CSMD2: variants seen among roughly 807,000 people sequenced by gnomAD.
The protein encoded by CSMD2 is CUB and Sushi multiple domains 2.
A neutral mutation model predicts 398.5 loss-of-function variants in CSMD2; 130 were observed. The ratio of observed to expected loss-of-function variants is 0.33; its 90% CI spans 0.28 to 0.38. The LOEUF is 0.38. CSMD2 is among the 10% of genes least tolerant of loss of function. CSMD2 has a pLI of 1.00. For missense variants in CSMD2, 3,829 were observed against 4,764.9 expected (o/e 0.80, Z 5.78); for synonymous variants, 1,828 against 1,908.5 (o/e 0.96, Z 1.10).
At chr1:33,646,943 C>A in intron 28 of CSMD2, 108 bp from the exon 29 acceptor site, 1 of 1,099,858 alleles carries the variant, frequency 9.1e-7, no homozygotes, top group Admixed American at 2.4e-5. Context: ...GCAAGCCCAC[C>A]ATCCCACTGG....
At position 33,936,178 on chromosome 1, in the gene CSMD2, A is replaced by G. The variant is rs144721089; in HGVS notation, c.518-224T>C. On this transcript the variant is annotated intron_variant, in intron 3 of 70. Transcript: ENST00000373381. Reference sequence around the variant, plus strand: ...ACAAGGGTTACTCAAAATCTCACACATGAGTTTACAACTGGATGTCCAGGT... The same window carrying G: ...ACAAGGGTTACTCAAAATCTCACACGTGAGTTTACAACTGGATGTCCAGGT... Among the ~76,000 whole-genome samples the G allele has an allele frequency of 1.5e-3, 234 of 152,350 alleles. 1 individual carries two copies. The highest frequency in any genetic ancestry group is 3.4e-3 in the Middle Eastern group (1 of 292).
intron 3 of CSMD2, among the ~76,000 whole-genome samples, chr1:33,968,395 G>A (rs1044448331): frequency 3.9e-5 from 6 of 152,198 alleles, no homozygotes; most frequent in African/African-American, 1.4e-4. Context: ...CCTTTGGTAT[G>A]AGTGAGGCCT....
At chr1:33,918,558 G>A (rs1233001513) in intron 4 of CSMD2, among the ~76,000 whole-genome samples, 1 of 152,202 alleles carries the variant, frequency 6.6e-6, no homozygotes, top group African/African-American at 2.4e-5. Context: ...GGACATTTCA[G>A]GGAAGAAGGA....
intron 14 of CSMD2, 69 bp from the exon 15 acceptor site, chr1:33,739,403 A>G (rs1242300125): frequency 3.5e-6 from 5 of 1,446,318 alleles, no homozygotes; most frequent in Non-Finnish European, 4.7e-6. Context: ...AAAGAAAATT[A>G]GCTTCCTTGG....
intron 58 of CSMD2, 123 bp from the exon 59 acceptor site, chr1:33,541,432 T>C (rs1033115217): frequency 6.7e-6 from 5 of 743,582 alleles, no homozygotes; most frequent in Non-Finnish European, 1.1e-5. Context: ...GGATGCCCTG[T>C]CTCCTCACAG....
At chr1:33,886,967 A>C (rs764135646) in intron 5 of CSMD2, among the ~76,000 whole-genome samples, 9 of 151,004 alleles carry the variant, frequency 6.0e-5, no homozygotes, top group Non-Finnish European at 1.2e-4. Flanking sequence ...GGACACTGAG[A>C]CTCAGAGGTT....
At chr1:34,066,756 T>C (rs74587504) in intron 2 of CSMD2, among the ~76,000 whole-genome samples, 6,944 of 152,136 alleles carry the variant, frequency 0.046, 404 homozygotes, top group African/African-American at 0.13. Flanking sequence ...GGCATCTGAG[T>C]GTCCTGGTCC....
In CSMD2 at chr1:33,815,811, G is replaced by A. The variant is rs190483308; in HGVS notation, c.1324+3902C>T. On this transcript the variant is annotated intron_variant, in intron 9 of 70. Transcript: ENST00000373381. ...TTAGCACATATAGGTAAGGGACTGA[G>A]GGACATTCTCAGGGCTGGAGCAATG... is the stretch of plus-strand genomic sequence containing the variant. Among the ~76,000 whole-genome samples, 488 of 152,322 alleles carry A rather than the reference G, an allele frequency of 3.2e-3. 3 individuals are homozygous for A. The highest frequency in any genetic ancestry group is 0.011 in the African/African-American group (473 of 41,568).
At chr1:33,773,503 T>C (rs1315263227) in intron 12 of CSMD2, among the ~76,000 whole-genome samples, 5 of 152,102 alleles carry the variant, frequency 3.3e-5, no homozygotes, top group Non-Finnish European at 4.4e-5. Context: ...GTGGGCATGA[T>C]GGGCTGGCTA....
chr1:33,782,079 A>G (rs1652843607), intron 12 of CSMD2, among the ~76,000 whole-genome samples: 1 of 152,112 alleles, frequency 6.6e-6, no homozygotes, highest in Admixed American at 6.5e-5. Context: ...GATGATGATG[A>G]TGCAGCCAGA....
At chr1:33,673,504 C>T (rs1428765708) in intron 25 of CSMD2, among the ~76,000 whole-genome samples, 8 of 152,220 alleles carry the variant, frequency 5.3e-5, no homozygotes, top group African/African-American at 9.6e-5. Context: ...CTGAAAGTGA[C>T]GGGGAGAATG....
At chr1:33,766,612 G>A (rs1303753446) in intron 13 of CSMD2, among the ~76,000 whole-genome samples, 1 of 152,202 alleles carries the variant, frequency 6.6e-6, no homozygotes, top group Non-Finnish European at 1.5e-5. Context: ...CTCTGAATTC[G>A]TGGCACTTAA....
chr1:33,575,215 G>A (rs1351795823), intron 49 of CSMD2, among the ~76,000 whole-genome samples: 2 of 152,130 alleles, frequency 1.3e-5, no homozygotes, highest in Non-Finnish European at 2.9e-5. Flanking sequence ...AGGTGAGAGA[G>A]TGGGCTGGGG....
At chr1:34,008,936 A>T (rs1647153451) in intron 3 of CSMD2, among the ~76,000 whole-genome samples, 2 of 152,128 alleles carry the variant, frequency 1.3e-5, no homozygotes, top group Admixed American at 1.3e-4. Context: ...CTGTTATGGA[A>T]GAAATTGAGG....
At chr1:33,660,856 T>A (rs1408062261) in intron 26 of CSMD2, among the ~76,000 whole-genome samples, 1 of 152,228 alleles carries the variant, frequency 6.6e-6, no homozygotes, top group East Asian at 1.9e-4. Flanking sequence ...AGGCATGGCA[T>A]GACCCTGTCT....
rs368976167 is a variant in CSMD2 at position 33,601,041 on chromosome 1, C to G, written c.6711-31G>C. On this transcript the variant is annotated intron_variant, in intron 43 of 70. Transcript: ENST00000373381. ...CACAGGAAACAAGGTCCTGGCATGTCACTAGTCACCATGGCTGCCTGCTCC... is the reference window on the plus strand; with the variant it reads ...CACAGGAAACAAGGTCCTGGCATGTGACTAGTCACCATGGCTGCCTGCTCC... 5.0e-6 allele frequency: 8 copies of G among 1,612,856 alleles called. No homozygotes were observed. In the African/African-American group the frequency reaches 1.1e-4, roughly 22 times the overall value.
intron 60 of CSMD2, among the ~76,000 whole-genome samples, chr1:33,538,395 A>T (rs1057321963): frequency 2.0e-5 from 3 of 152,222 alleles, no homozygotes; most frequent in Non-Finnish European, 4.4e-5. Flanking sequence ...GCCATTAAAA[A>T]TTGACTACCA....
At chr1:33,983,163 G>A (rs1001367954) in intron 3 of CSMD2, among the ~76,000 whole-genome samples, 1 of 152,188 alleles carries the variant, frequency 6.6e-6, no homozygotes, top group Admixed American at 6.5e-5. Flanking sequence ...TCTGCAGAGG[G>A]AGACTGGAGG....
intron 1 of CSMD2, among the ~76,000 whole-genome samples, chr1:34,156,758 A>C (rs1373961547): frequency 1.3e-5 from 2 of 152,198 alleles, no homozygotes; most frequent in Non-Finnish European, 2.9e-5. Context: ...TCAGTAATTT[A>C]ACTATACATA....
Sources: allele counts gnomAD v4.1 joint callset (sites outside exome capture counted in the v4.1 genomes callset), GRCh38; gene constraint gnomAD v4.1.1; transcripts MANE v1.5; gene names NCBI Gene and HGNC (gene_info 2026-07-23, HGNC 2026-07-21).